The following GABRG3 variants were observed in gnomAD, a reference collection of about 807,000 sequenced individuals.
GABRG3 encodes the protein gamma-aminobutyric acid type A receptor subunit gamma3.
Under a neutral mutation model 48.8 loss-of-function variants are expected in GABRG3, and 25 were observed. The ratio of observed to expected loss-of-function variants is 0.51; its 90% CI spans 0.37 to 0.72. GABRG3 has a LOEUF of 0.72. Among genes scored for constraint, GABRG3 ranks in the 30% least tolerant of loss-of-function variants. The pLI, the probability that GABRG3 is intolerant of heterozygous loss-of-function variation, is 0.00. For synonymous variants in GABRG3, 227 were observed against 217.6 expected (o/e 1.04, Z -0.38); for missense variants, 394 against 577.9 (o/e 0.68, Z 3.26).
intron 5 of GABRG3, among the ~76,000 whole-genome samples, chr15:27,421,817 T>C (rs1888125231): frequency 6.6e-6 from 1 of 151,228 alleles, no homozygotes. Flanking sequence ...AAGATATCCA[T>C]GGGAGTGGGC....
intron 3 of GABRG3, among the ~76,000 whole-genome samples, chr15:27,250,858 C>T (rs781148269): frequency 1.3e-5 from 2 of 152,158 alleles, no homozygotes; most frequent in African/African-American, 4.8e-5. Flanking sequence ...AGGACGTGGA[C>T]GGCAGCTGCT....
chr15:27,078,762 TA>T lies in GABRG3; in HGVS notation c.270+51944del, dbSNP rs1242160368. On this transcript the variant is annotated intron_variant, in intron 3 of 9. Transcript: ENST00000615808. ...CATGAGGACCATATTAAGGGCTCAGTAAACATTGGCTGGCCAGTAAAGTGGT... is the reference window on the plus strand; with the variant it reads ...CATGAGGACCATATTAAGGGCTCAGTAACATTGGCTGGCCAGTAAAGTGGT... Among the ~76,000 whole-genome samples, 14 of 152,360 alleles carry T rather than the reference TA, an allele frequency of 9.2e-5. No individual in the cohort carries two copies. In the South Asian group the frequency reaches 2.9e-3, roughly 32 times the overall value.
At chr15:27,234,406 G>A (rs1889893727) in intron 3 of GABRG3, among the ~76,000 whole-genome samples, 1 of 152,220 alleles carries the variant, frequency 6.6e-6, no homozygotes, top group Non-Finnish European at 1.5e-5. Context: ...CTGGGCCTCC[G>A]TCTTCTCATC....
chr15:27,238,184 G>A (rs1890033636), intron 3 of GABRG3, among the ~76,000 whole-genome samples: 1 of 100,066 alleles, frequency 1.0e-5, no homozygotes, highest in East Asian at 2.7e-4. Flanking sequence ...TCAGTTATGT[G>A]ATAAATGAGA....
intron 5 of GABRG3, among the ~76,000 whole-genome samples, chr15:27,415,981 C>T (rs866261672): frequency 6.6e-6 from 1 of 152,164 alleles, no homozygotes; most frequent in African/African-American, 2.4e-5. Context: ...ACCATACCCC[C>T]CCTCTTTCTA....
chr15:27,136,062 G>C (rs1257405221), intron 3 of GABRG3, among the ~76,000 whole-genome samples: 1 of 152,204 alleles, frequency 6.6e-6, no homozygotes, highest in Admixed American at 6.5e-5. Context: ...GCACCACGAG[G>C]GGTGGCAGGG....
chr15:27,171,128 C>T (rs1345945246), intron 3 of GABRG3, among the ~76,000 whole-genome samples: 3 of 152,126 alleles, frequency 2.0e-5, no homozygotes, highest in Non-Finnish European at 4.4e-5. Context: ...GTTCACTGCT[C>T]AGCAGGGGCT....
At chr15:27,036,080 GAATT>G (rs1595485491) in intron 3 of GABRG3, among the ~76,000 whole-genome samples, 3 of 152,352 alleles carry the variant, frequency 2.0e-5, no homozygotes, top group East Asian at 1.9e-4. Context: ...GCAGTGAACG[GAATT>G]AATAAAGCTG....
intron 2 of GABRG3, among the ~76,000 whole-genome samples, chr15:26,982,834 C>T (rs1895078925): frequency 6.6e-6 from 1 of 152,204 alleles, no homozygotes; most frequent in South Asian, 2.1e-4. Context: ...GGATGCTCCT[C>T]TTTGGTTTTG....
intron 3 of GABRG3, among the ~76,000 whole-genome samples, chr15:27,267,778 A>T (rs1363882515): frequency 6.6e-6 from 1 of 152,166 alleles, no homozygotes; most frequent in Non-Finnish European, 1.5e-5. Flanking sequence ...GCATCTATTG[A>T]TATGATTATA....
intron 3 of GABRG3, among the ~76,000 whole-genome samples, chr15:27,212,095 G>T (rs1889098294): frequency 6.6e-6 from 1 of 152,138 alleles, no homozygotes; most frequent in Non-Finnish European, 1.5e-5. Flanking sequence ...AGGAAAATTG[G>T]TATATAAACT....
intron 3 of GABRG3, among the ~76,000 whole-genome samples, chr15:27,170,167 A>T (rs1887517826): frequency 6.6e-6 from 1 of 152,142 alleles, no homozygotes; most frequent in Non-Finnish European, 1.5e-5. Context: ...ATGTGGGTAA[A>T]TTTTTTCCAT....
rs1457421011 is a variant in GABRG3, at chr15:27,457,594, C to T, written c.575-23056C>T. On this transcript the variant is annotated intron_variant, in intron 5 of 9. Transcript: ENST00000615808. This position sits in a 1 kb window ranked among gnomAD's most constrained non-coding sequence, Gnocchi z 4.4. Reference sequence around the variant, plus strand: ...GTTCCCTGCCCCGTATCTAAAGTGGCTTGGCCAGGATTGATCCACTGTACC... The same window carrying T: ...GTTCCCTGCCCCGTATCTAAAGTGGTTTGGCCAGGATTGATCCACTGTACC... Among the ~76,000 whole-genome samples the T allele has an allele frequency of 3.3e-5, 5 of 152,160 alleles. No homozygotes were observed. The highest frequency in any genetic ancestry group is 4.8e-5 in the African/African-American group (2 of 41,438).
chr15:27,043,873 C>T (rs530226776), intron 3 of GABRG3, among the ~76,000 whole-genome samples: 4 of 152,276 alleles, frequency 2.6e-5, no homozygotes, highest in South Asian at 4.1e-4. Flanking sequence ...GCAGTCCTCC[C>T]GAGGCTGGGC....
At chr15:27,227,548 G>T (rs114100462) in intron 3 of GABRG3, among the ~76,000 whole-genome samples, 1 of 152,016 alleles carries the variant, frequency 6.6e-6, no homozygotes, top group Non-Finnish European at 1.5e-5. Context: ...TTATCTGGCC[G>T]TGGTGGCATG....
chr15:27,164,020 C>T lies in GABRG3; in HGVS notation c.270+137199C>T, dbSNP rs541478067. Among the ~76,000 whole-genome samples, 13 of 152,196 alleles carry T rather than the reference C, an allele frequency of 8.5e-5. No homozygotes were observed. In the East Asian group the frequency reaches 2.3e-3, roughly 27 times the overall value. On this transcript the variant is annotated intron_variant, in intron 3 of 9. Transcript: ENST00000615808. Reference sequence around the variant, plus strand: ...TGTCAGAGGGACCCATGTCCATGTTCGCAAGCAAATTTTATTGTAATTACA... The same window carrying T: ...TGTCAGAGGGACCCATGTCCATGTTTGCAAGCAAATTTTATTGTAATTACA...
intron 3 of GABRG3, among the ~76,000 whole-genome samples, chr15:27,185,878 A>AT (rs1034429842): frequency 8.6e-5 from 13 of 152,044 alleles, no homozygotes; most frequent in African/African-American, 3.1e-4. Flanking sequence ...AATTTTATAT[A>AT]TTTTTTCATA....
intron 3 of GABRG3, among the ~76,000 whole-genome samples, chr15:27,201,066 A>C (rs897366014): frequency 6.6e-6 from 1 of 152,140 alleles, no homozygotes; most frequent in Non-Finnish European, 1.5e-5. Context: ...GGAAAGAAAT[A>C]GAGCAGAATA....
chr15:27,354,405 G>T (rs1458850750), intron 5 of GABRG3, among the ~76,000 whole-genome samples: 1 of 152,144 alleles, frequency 6.6e-6, no homozygotes, highest in Non-Finnish European at 1.5e-5. Context: ...CCAACATTCT[G>T]ACTATGCTTA....
Sources: allele counts gnomAD v4.1 joint callset (sites outside exome capture counted in the v4.1 genomes callset), GRCh38; gene constraint gnomAD v4.1.1; non-coding constraint Gnocchi (gnomAD v3.1); transcripts MANE v1.5; gene names NCBI Gene and HGNC (gene_info 2026-07-23, HGNC 2026-07-21).